The following PCDH11Y variants were observed in gnomAD, a reference collection of about 807,000 sequenced individuals.
PCDH11Y encodes the protein protocadherin-11 Y-linked.
For synonymous variants in PCDH11Y, 9 were observed against 83.6 expected (o/e 0.11, Z 4.87); for missense variants, 12 against 224.8 (o/e 0.05, Z 6.05).
At chrY:5,264,369 A>G in intron 2 of PCDH11Y, among the ~76,000 whole-genome samples, 1 of 33,267 alleles carries the variant, frequency 3.0e-5, no homozygotes, top group South Asian at 6.8e-4. Flanking sequence ...CACAGCCACC[A>G]CAGCTGGGAA....
At chrY:5,563,197 G>T (rs2053431015) in intron 3 of PCDH11Y, among the ~76,000 whole-genome samples, 2 of 32,958 alleles carry the variant, frequency 6.1e-5, no homozygotes, top group African/African-American at 2.4e-4. Context: ...TCATTATCAT[G>T]CAGTAGTTAA....
intron 3 of PCDH11Y, among the ~76,000 whole-genome samples, chrY:5,546,832 A>T: frequency 3.0e-5 from 1 of 33,139 alleles, no homozygotes. Flanking sequence ...TATAAAACGG[A>T]TATAACAGAG....
intron 4 of PCDH11Y, among the ~76,000 whole-genome samples, chrY:5,638,736 G>A (rs2053520644): frequency 3.3e-5 from 1 of 30,716 alleles, no homozygotes; most frequent in Non-Finnish European, 7.8e-5. Flanking sequence ...CTATCAAAAA[G>A]GGTATTAACC....
chrY:5,052,214 A>T, upstream of PCDH11Y, among the ~76,000 whole-genome samples: 11 of 33,091 alleles, frequency 3.3e-4, no homozygotes, highest in South Asian at 3.9e-3. Context: ...GCAGATAGAT[A>T]TTTCTTATCT....
chrY:5,476,067 T>G, intron 2 of PCDH11Y, among the ~76,000 whole-genome samples: 4 of 32,846 alleles, frequency 1.2e-4, no homozygotes, highest in African/African-American at 4.8e-4. Context: ...GCCATTACTT[T>G]ACACTACTGT....
At chrY:5,123,277 T>C in intron 2 of PCDH11Y, among the ~76,000 whole-genome samples, 1 of 33,105 alleles carries the variant, frequency 3.0e-5, no homozygotes, top group African/African-American at 1.2e-4. Flanking sequence ...TTAGATAACC[T>C]ATGAAATGTG....
chrY:5,026,435 A>C, intron 1 of PCDH11Y, among the ~76,000 whole-genome samples: 1 of 25,221 alleles, frequency 4.0e-5, no homozygotes, highest in Non-Finnish European at 9.3e-5. Flanking sequence ...TGACAAAAAG[A>C]CTCCTAGAAG....
intron 2 of PCDH11Y, among the ~76,000 whole-genome samples, chrY:5,299,205 GGAA>G (rs2053078925): frequency 6.1e-5 from 2 of 32,579 alleles, no homozygotes; most frequent in South Asian, 1.4e-3. Context: ...TTAGCTTATA[GGAA>G]AATATAGATA....
intron 3 of PCDH11Y, among the ~76,000 whole-genome samples, chrY:5,042,949 T>C (rs1602844636): frequency 3.2e-5 from 1 of 31,285 alleles, no homozygotes; most frequent in East Asian, 8.2e-4. Context: ...GTGATTTTTG[T>C]ACATTGATTT....
chrY:5,489,928 T>C, intron 2 of PCDH11Y, among the ~76,000 whole-genome samples: 1 of 32,329 alleles, frequency 3.1e-5, no homozygotes, highest in African/African-American at 1.2e-4. Context: ...GAAATAATCA[T>C]ATTCTAAAAT....
intron 4 of PCDH11Y, among the ~76,000 whole-genome samples, chrY:5,616,672 T>C: frequency 3.1e-5 from 1 of 32,434 alleles, no homozygotes; most frequent in East Asian, 8.1e-4. Context: ...TTCAGGAGGG[T>C]AGATTATTCT....
At chrY:5,210,143 T>A in intron 2 of PCDH11Y, among the ~76,000 whole-genome samples, 3 of 34,150 alleles carry the variant, frequency 8.8e-5, no homozygotes. Flanking sequence ...TCAAACCCTA[T>A]TTTTCCCCTG....
exon 5 of PCDH11Y, chrY:5,742,110 G>A (rs2124716980): frequency 3.1e-5 from 1 of 31,753 alleles, no homozygotes; most frequent in Admixed American, 3.0e-4. Context: ...ACTATTGTAT[G>A]GCCAAGGATG....
chrY:5,190,822 T>A, intron 2 of PCDH11Y, among the ~76,000 whole-genome samples: 1 of 31,152 alleles, frequency 3.2e-5, no homozygotes. Context: ...TTTTTTTTTT[T>A]TTCTGAGAGG....
chrY:5,444,626 A>T lies in PCDH11Y; in HGVS notation c.3130-56431A>T, dbSNP rs2124682128. Among the ~76,000 whole-genome samples, 6 of 32,474 alleles carry T rather than the reference A, an allele frequency of 1.8e-4. No homozygotes were observed. The East Asian group carries it at 5.1e-3, about 27-fold the overall frequency. The allele number at this position is 32,474 out of a possible 37,273, so 87.1% of individuals were successfully genotyped here. ...CACTGCTGGTGGAAATGTAAAATTG[A>T]ACATGTTGGAAAACAGTTGGTCAGT... On this transcript the variant is annotated intron_variant, in intron 2 of 4. Transcript: ENST00000400457.
intron 3 of PCDH11Y, among the ~76,000 whole-genome samples, chrY:5,046,805 A>T: frequency 6.0e-5 from 2 of 33,306 alleles, no homozygotes; most frequent in African/African-American, 2.3e-4. Flanking sequence ...TGTGGGATAT[A>T]ATCTCGTGGT....
At chrY:5,043,537 G>A in intron 3 of PCDH11Y, among the ~76,000 whole-genome samples, 2 of 33,413 alleles carry the variant, frequency 6.0e-5, no homozygotes, top group Non-Finnish European at 7.5e-5. Flanking sequence ...GGATTTTTGC[G>A]TCAATGTTCA....
intron 1 of PCDH11Y, among the ~76,000 whole-genome samples, chrY:5,079,234 G>A: frequency 3.0e-5 from 1 of 33,443 alleles, no homozygotes; most frequent in Non-Finnish European, 7.4e-5. Flanking sequence ...TCACAGGCTG[G>A]CATTGAGTGT....
intron 2 of PCDH11Y, among the ~76,000 whole-genome samples, chrY:5,162,625 A>C: frequency 1.2e-4 from 4 of 32,944 alleles, no homozygotes; most frequent in Non-Finnish European, 3.0e-4. Context: ...TCTATGTTCA[A>C]AATGTTGAGT....
Sources: allele counts gnomAD v4.1 joint callset (sites outside exome capture counted in the v4.1 genomes callset), GRCh38; gene constraint gnomAD v4.1.1; transcripts MANE v1.5; gene names NCBI Gene and HGNC (gene_info 2026-07-23, HGNC 2026-07-21).